Variants in NAA15 observed in about 807,000 individuals in gnomAD.
The protein encoded by NAA15 is N-terminal acetyltransferase.
In NAA15, 34 loss-of-function variants were observed where a neutral mutation model predicts 114.0. The ratio of observed to expected loss-of-function variants is 0.30; its 90% CI spans 0.23 to 0.40. The LOEUF is 0.40. Among genes scored for constraint, NAA15 ranks in the 10% least tolerant of loss-of-function variants. The probability of loss-of-function intolerance (pLI) is 1.00; values close to 1 mark genes in which losing one functional copy is unlikely to be tolerated. For synonymous variants in NAA15, 340 were observed against 338.0 expected (o/e 1.01, Z -0.06); for missense variants, 658 against 1,004.5 (o/e 0.66, Z 4.66).
intron 6 of NAA15, among the ~76,000 whole-genome samples, chr4:139,347,962 G>A (rs918065121): frequency 6.0e-5 from 9 of 150,788 alleles, no homozygotes; most frequent in African/African-American, 2.2e-4. Flanking sequence ...AACCCGGGAA[G>A]CGGAGCTTGC....
intron 14 of NAA15, 60 bp downstream of exon 14, chr4:139,361,997 T>C: frequency 8.0e-7 from 1 of 1,246,338 alleles, no homozygotes; most frequent in Non-Finnish European, 1.1e-6. Flanking sequence ...ATGTGTATTA[T>C]GTTTTTCATT....
At chr4:139,333,102 G>C (rs571778264) in intron 1 of NAA15, among the ~76,000 whole-genome samples, 1 of 151,762 alleles carries the variant, frequency 6.6e-6, no homozygotes, top group Non-Finnish European at 1.5e-5. Context: ...TTGTTATACT[G>C]TATTGCTTAG....
rs1446931244 is a variant in NAA15, at chr4:139,301,858, TG to T, written c.54+31del. 4 of 1,575,768 alleles carry T rather than the reference TG, an allele frequency of 2.5e-6. No individual in the cohort carries two copies. In the East Asian group the frequency reaches 7.2e-5, roughly 28 times the overall value. On this transcript the variant is annotated intron_variant, in intron 1 of 19. Coordinates refer to ENST00000296543, the MANE Select transcript of NAA15 (RefSeq NM_057175.5). The stretch of plus-strand genomic sequence containing the variant: ...TAAGTGTGAGGCTCCGGGCAAGCGG[TG>T]GGGAGGATTTAGCCGGTAACCGGGC...
intron 10 of NAA15, 103 bp downstream of exon 10, chr4:139,354,201 G>A: frequency 2.3e-6 from 2 of 857,732 alleles, no homozygotes; most frequent in Non-Finnish European, 3.7e-6. Flanking sequence ...AGTAAGCACA[G>A]TGCATTAAAT....
chr4:139,360,734 CTT>C, intron 13 of NAA15, 106 bp downstream of exon 13: 1 of 1,015,134 alleles, frequency 9.9e-7, no homozygotes, highest in Non-Finnish European at 1.3e-6. Flanking sequence ...ATAGTAGGTG[CTT>C]TTTAAAATCA....
At chr4:139,304,661 A>T (rs1426139616) in intron 1 of NAA15, among the ~76,000 whole-genome samples, 3 of 152,164 alleles carry the variant, frequency 2.0e-5, no homozygotes, top group African/African-American at 7.2e-5. Context: ...GTATTTTTAA[A>T]AATAGTTTTT....
rs1005276514 is a variant in NAA15 at position 139,363,440 on chromosome 4, T to C, written c.1753+1503T>C. Reference sequence around the variant, plus strand: ...ACACATGCATTTCAGGATGGTTCTTTGCAGGGTTTCTTGTTTGATTTGTTT... The same window carrying C: ...ACACATGCATTTCAGGATGGTTCTTCGCAGGGTTTCTTGTTTGATTTGTTT... On this transcript the variant is annotated intron_variant, in intron 14 of 19. Coordinates refer to ENST00000296543, the MANE Select transcript of NAA15 (RefSeq NM_057175.5). Among the ~76,000 whole-genome samples, 9 of 152,198 alleles carry C rather than the reference T, an allele frequency of 5.9e-5. No individual in the cohort carries two copies. In the East Asian group the frequency reaches 9.6e-4, roughly 16 times the overall value.
intron 11 of NAA15, among the ~76,000 whole-genome samples, chr4:139,359,457 A>G (rs1044604894): frequency 1.3e-5 from 2 of 152,096 alleles, no homozygotes; most frequent in South Asian, 2.1e-4. Context: ...ATTTTTGAGT[A>G]TTTTTACTAT....
chr4:139,316,417 G>A (rs573415379), intron 1 of NAA15, among the ~76,000 whole-genome samples: 3 of 151,712 alleles, frequency 2.0e-5, no homozygotes, highest in African/African-American at 4.8e-5. Context: ...GGCATCTTTT[G>A]TAATTTAGTC....
At chr4:139,384,189 G>A (rs1748828752) in intron 17 of NAA15, among the ~76,000 whole-genome samples, 1 of 152,098 alleles carries the variant, frequency 6.6e-6, no homozygotes, top group African/African-American at 2.4e-5. Flanking sequence ...TCTTTTTAAT[G>A]TGTATTGCTG....
chr4:139,323,452 C>T (rs749492751), intron 1 of NAA15, among the ~76,000 whole-genome samples: 3 of 152,148 alleles, frequency 2.0e-5, no homozygotes, highest in Non-Finnish European at 4.4e-5. Flanking sequence ...CCTCAGCCTC[C>T]CAAAGTGCTG....
chr4:139,315,554 A>G (rs1394702398), intron 1 of NAA15, among the ~76,000 whole-genome samples: 1 of 151,820 alleles, frequency 6.6e-6, no homozygotes, highest in Admixed American at 6.6e-5. Context: ...CGACTCGGCA[A>G]ATCTGAGTAA....
At chr4:139,313,858 G>A (rs1746298818) in intron 1 of NAA15, among the ~76,000 whole-genome samples, 1 of 151,754 alleles carries the variant, frequency 6.6e-6, no homozygotes, top group African/African-American at 2.4e-5. Context: ...ATTTCTAAAT[G>A]CTTTATATAC....
Position 139,344,227 on chromosome 4 carries a change from C to A in NAA15, c.579C>A (p.Leu193=). The change falls in exon 6 of 20, where the codon CTC becomes CTA. Residue 193 remains leucine (L), a synonymous_variant. Coordinates refer to ENST00000296543, the MANE Select transcript of NAA15 (RefSeq NM_057175.5). ...DKVDYEYSEL[L]LYQNQVLREA... is the part of the protein sequence containing the mutation. ...TGGATTATGAATATAGTGAACTACT[C>A]TTATATCAGAATCAAGTTCTTCGGG... The A allele has an allele frequency of 1.9e-6, 3 of 1,612,772 alleles. No homozygotes were observed. Among genetic ancestry groups the A allele is most frequent in the Non-Finnish European group, 2.5e-6 (3 of 1,179,144 alleles).
intron 6 of NAA15, among the ~76,000 whole-genome samples, chr4:139,345,853 G>A (rs1406985830): frequency 3.3e-5 from 5 of 152,060 alleles, no homozygotes; most frequent in South Asian, 4.1e-4. Flanking sequence ...CCTGGGAGGC[G>A]GAGCTTGCAG....
intron 16 of NAA15, among the ~76,000 whole-genome samples, chr4:139,377,029 T>C (rs577235966): frequency 7.9e-5 from 12 of 152,144 alleles, no homozygotes; most frequent in Admixed American, 7.2e-4. Context: ...TTAGAATGCT[T>C]AGAATATATA....
intron 1 of NAA15, among the ~76,000 whole-genome samples, chr4:139,315,939 G>A (rs1337139527): frequency 1.3e-5 from 2 of 150,368 alleles, no homozygotes; most frequent in African/African-American, 4.9e-5. Flanking sequence ...GAGCCATTTG[G>A]TTTCATTTTC....
At chr4:139,384,192 T>A (rs1280718430) in intron 17 of NAA15, among the ~76,000 whole-genome samples, 1 of 152,172 alleles carries the variant, frequency 6.6e-6, no homozygotes, top group Non-Finnish European at 1.5e-5. Flanking sequence ...TTTTAATGTG[T>A]ATTGCTGGGC....
chr4:139,345,995 A>C (rs192070476), intron 6 of NAA15, among the ~76,000 whole-genome samples: 84 of 152,268 alleles, frequency 5.5e-4, no homozygotes, highest in Non-Finnish European at 4.3e-4. Context: ...GTTTTGCTGT[A>C]AATGAAACAA....
Sources: allele counts gnomAD v4.1 joint callset (sites outside exome capture counted in the v4.1 genomes callset), GRCh38; gene constraint gnomAD v4.1.1; transcripts MANE v1.5; gene names NCBI Gene and HGNC (gene_info 2026-07-23, HGNC 2026-07-21).